LAMC1: variants seen among roughly 807,000 people sequenced by gnomAD.
The protein encoded by LAMC1 is laminin subunit gamma-1.
A neutral mutation model predicts 173.6 loss-of-function variants in LAMC1; 38 were observed. The observed-to-expected ratio is 0.22, with a 90% confidence interval of 0.17 to 0.29. The LOEUF is 0.29. Ranked by LOEUF, LAMC1 falls within the 10% of genes least tolerant of loss-of-function variation. LAMC1 has a pLI of 1.00. For missense variants in LAMC1, 1,824 were observed against 2,051.8 expected, an observed-to-expected ratio of 0.89 and a Z score of 2.14; for synonymous variants, 746 against 749.1, an observed-to-expected ratio of 1.00 and a Z score of 0.07.
At chr1:183,040,069 TC>T (rs1187534880) in intron 1 of LAMC1, among the ~76,000 whole-genome samples, 7 of 152,190 alleles carry the variant, frequency 4.6e-5, no homozygotes, top group African/African-American at 1.7e-4. Flanking sequence ...GATTCGGACT[TC>T]TTCACATCTC....
chr1:183,055,361 G>C (rs1056266361), intron 1 of LAMC1, among the ~76,000 whole-genome samples: 4 of 151,810 alleles, frequency 2.6e-5, no homozygotes, highest in African/African-American at 9.7e-5. Context: ...CACTTACTAG[G>C]GATTGACTCA....
intron 1 of LAMC1, among the ~76,000 whole-genome samples, chr1:183,103,105 G>A (rs1655875740): frequency 6.6e-6 from 1 of 152,144 alleles, no homozygotes. Flanking sequence ...TTTCCACAAT[G>A]CACATCACGA....
chr1:183,037,254 G>T (rs1654007604), intron 1 of LAMC1, among the ~76,000 whole-genome samples: 2 of 152,228 alleles, frequency 1.3e-5, no homozygotes, highest in Admixed American at 1.3e-4. Context: ...CCTGAGGGAT[G>T]ATCAGTGGCT....
chr1:183,041,845 G>C (rs1158995200), intron 1 of LAMC1, among the ~76,000 whole-genome samples: 1 of 152,230 alleles, frequency 6.6e-6, no homozygotes, highest in Non-Finnish European at 1.5e-5. Context: ...GTTCAAAAAA[G>C]TTTGCTGAAT....
At chr1:183,081,324 A>C (rs1166356502) in intron 1 of LAMC1, among the ~76,000 whole-genome samples, 1 of 151,962 alleles carries the variant, frequency 6.6e-6, no homozygotes, top group Admixed American at 6.6e-5. Context: ...ATGGCCAGGC[A>C]TGGTGGCTCA....
chr1:183,124,915 C>T (rs890031782), intron 14 of LAMC1, 39 bp downstream of exon 14: 9 of 1,603,608 alleles, frequency 5.6e-6, no homozygotes, highest in African/African-American at 2.7e-5. Flanking sequence ...CAGCTAAATG[C>T]CCCTTTATTG....
At chr1:183,031,208 G>A (rs549317460) in intron 1 of LAMC1, among the ~76,000 whole-genome samples, 2 of 152,270 alleles carry the variant, frequency 1.3e-5, no homozygotes, top group African/African-American at 4.8e-5. Context: ...TGTAGAGTAC[G>A]GTATAGCCCA....
intron 1 of LAMC1, among the ~76,000 whole-genome samples, chr1:183,050,706 A>C (rs1426495886): frequency 1.3e-5 from 2 of 150,130 alleles, no homozygotes; most frequent in Non-Finnish European, 3.0e-5. Context: ...AGCCTGACCA[A>C]CATGGTGAAA....
intron 27 of LAMC1, 191 bp downstream of exon 27, chr1:183,140,694 T>G: frequency 2.7e-6 from 1 of 375,188 alleles, no homozygotes; most frequent in Non-Finnish European, 4.7e-6. Flanking sequence ...TAAATGTTTG[T>G]CTTGCATGAC....
chr1:183,076,286 T>C (rs2102045014), intron 1 of LAMC1, among the ~76,000 whole-genome samples: 1 of 152,346 alleles, frequency 6.6e-6, no homozygotes, highest in Middle Eastern at 3.4e-3. Context: ...ACACTTTATA[T>C]TCATGCTTTC....
chr1:183,071,088 T>G (rs1265285173), intron 1 of LAMC1, among the ~76,000 whole-genome samples: 1 of 149,920 alleles, frequency 6.7e-6, no homozygotes, highest in Non-Finnish European at 1.5e-5. Context: ...TTTTTTTTGT[T>G]TTTGTTTTTT....
At chr1:183,061,223 C>T (rs1408660814) in intron 1 of LAMC1, among the ~76,000 whole-genome samples, 2 of 152,162 alleles carry the variant, frequency 1.3e-5, no homozygotes, top group Admixed American at 6.5e-5. Flanking sequence ...CCCCCATACT[C>T]CCTTCAAAAA....
intron 11 of LAMC1, 40 bp downstream of exon 11, chr1:183,118,186 T>C: frequency 8.4e-7 from 1 of 1,190,452 alleles, no homozygotes; most frequent in Non-Finnish European, 1.2e-6. Flanking sequence ...TTTAAAAAGA[T>C]GATTGGTTAG....
At chr1:183,133,582 C>G in intron 22 of LAMC1, 32 bp downstream of exon 22, 1 of 1,578,420 alleles carries the variant, frequency 6.3e-7, no homozygotes, top group Non-Finnish European at 8.6e-7. Flanking sequence ...ACAGCCCCAC[C>G]CCGTCTCTCC....
intron 23 of LAMC1, 59 bp downstream of exon 23, chr1:183,134,868 G>A (rs1656893339): frequency 6.5e-7 from 1 of 1,536,692 alleles, no homozygotes; most frequent in Non-Finnish European, 8.9e-7. Flanking sequence ...AGTCCAAATG[G>A]GTCTGTGATG....
chr1:183,091,474 C>T (rs1220346304), intron 1 of LAMC1, among the ~76,000 whole-genome samples: 1 of 152,048 alleles, frequency 6.6e-6, no homozygotes, highest in East Asian at 1.9e-4. Context: ...AAAGTGTGTC[C>T]TACCTCCCTC....
chr1:183,087,807 C>T (rs888712132), intron 1 of LAMC1, among the ~76,000 whole-genome samples: 3 of 150,490 alleles, frequency 2.0e-5, no homozygotes, highest in Admixed American at 1.3e-4. Flanking sequence ...TATTTATTTT[C>T]TTTTCTTTCC....
chr1:183,131,430 T>TGG (rs749417899), intron 20 of LAMC1, 52 bp downstream of exon 20: 2 of 621,304 alleles, frequency 3.2e-6, no homozygotes, highest in Admixed American at 2.2e-5. Flanking sequence ...TGTTATGGGG[T>TGG]GTGTGTGTGT....
Position 183,124,679 on chromosome 1 carries a change from G to T in LAMC1, c.2450G>T (p.Gly817Val). Residue 817 changes from glycine to valine, a missense_variant, in exon 14 of 28, where the codon GGT (glycine) becomes GTT (valine). By Grantham distance (109) the Gly-to-Val change is moderately radical. Coordinates refer to ENST00000258341, the MANE Select transcript of LAMC1 (RefSeq NM_002293.4). ...CDDGYFGDPLGRNGPVRLCRL... is the reference protein window; with the variant it reads ...CDDGYFGDPLVRNGPVRLCRL... ...GATGGCTACTTTGGAGACCCCCTGGGTAGAAACGGCCCTGTGAGACTTTGC... is the reference window on the plus strand; with the variant it reads ...GATGGCTACTTTGGAGACCCCCTGGTTAGAAACGGCCCTGTGAGACTTTGC... 3 of 1,614,238 alleles carry T rather than the reference G, an allele frequency of 1.9e-6. No individual in the cohort carries two copies. The highest frequency in any genetic ancestry group is 2.5e-6 in the Non-Finnish European group (3 of 1,180,032).
Sources: allele counts gnomAD v4.1 joint callset (sites outside exome capture counted in the v4.1 genomes callset), GRCh38; gene constraint gnomAD v4.1.1; transcripts MANE v1.5; gene names NCBI Gene and HGNC (gene_info 2026-07-23, HGNC 2026-07-21).